DNAH6: variants seen among roughly 807,000 people sequenced by gnomAD.
The protein encoded by DNAH6 is dynein axonemal heavy chain 6.
In DNAH6, 340 loss-of-function variants were observed where a neutral mutation model predicts 491.4. The ratio of observed to expected loss-of-function variants is 0.69; its 90% confidence interval spans 0.63 to 0.76. The LOEUF (loss-of-function observed/expected upper bound fraction) is 0.76. Among genes scored for constraint, DNAH6 ranks in the 30% least tolerant of loss-of-function variants. The pLI is 0.00. For synonymous variants in DNAH6, 1,603 were observed against 1,686.1 expected (o/e 0.95, Z 1.21); for missense variants, 4,443 against 4,972.2 (o/e 0.89, Z 3.20).
At chr2:84,659,372 G>C (rs976732300) in intron 37 of DNAH6, among the ~76,000 whole-genome samples, 6 of 152,004 alleles carry the variant, frequency 3.9e-5, no homozygotes, top group Non-Finnish European at 7.4e-5. Context: ...TATTAAAAAA[G>C]TAAGATGTAT....
In DNAH6 at chr2:84,544,332, T is replaced by C; in HGVS notation, c.762T>C (p.Ile254=). 6.5e-7 allele frequency: 1 copy of C among 1,542,694 alleles called. No homozygotes were observed. The highest frequency in any genetic ancestry group is 8.8e-7 in the Non-Finnish European group (1 of 1,139,080). ...ATGAAGACATTGAATTTATCGAAAT[T>C]GATCGATGGGAACAGGAATATCTGT... ...IYNEDIEFIE[I]DRWEQEYLYH... The change falls in exon 5 of 77, where the codon ATT becomes ATC. Residue 254 remains isoleucine, a synonymous_variant. Coordinates refer to ENST00000389394, the MANE Select transcript of DNAH6 (RefSeq NM_001370.2).
intron 18 of DNAH6, among the ~76,000 whole-genome samples, chr2:84,604,097 G>A (rs1326096631): frequency 6.6e-6 from 1 of 152,162 alleles, no homozygotes; most frequent in Non-Finnish European, 1.5e-5. Flanking sequence ...GTTTCTCCTT[G>A]TGGAGAAACC....
chr2:84,752,610 C>G (rs1305931365), intron 63 of DNAH6, among the ~76,000 whole-genome samples: 2 of 151,782 alleles, frequency 1.3e-5, no homozygotes, highest in Non-Finnish European at 2.9e-5. Context: ...AGCCGTCATC[C>G]CCCAGTGCCA....
At chr2:84,519,730 T>A (rs1168966489) in intron 2 of DNAH6, among the ~76,000 whole-genome samples, 1 of 151,658 alleles carries the variant, frequency 6.6e-6, no homozygotes, top group East Asian at 1.9e-4. Context: ...TTCTTTTACA[T>A]TTTTTCCTTA....
At position 84,745,268 on chromosome 2, in the gene DNAH6, T is replaced by G; in HGVS notation, c.10512+19T>G. ...AGAAAAGGTAGGGCATTTTTTTAAT[T>G]AAAGGACTGTGTTACAATTATTTCT... On this transcript the variant is annotated intron_variant, in intron 63 of 76. Coordinates refer to ENST00000389394, the MANE Select transcript of DNAH6 (RefSeq NM_001370.2). 2 of 1,439,700 alleles carry G rather than the reference T, an allele frequency of 1.4e-6. No homozygotes were observed. Among genetic ancestry groups the G allele is most frequent in the African/African-American group, 1.4e-5 (1 of 69,194 alleles). 89.2% of individuals were successfully genotyped at this position (1,439,700 alleles called of 1,614,324 possible).
chr2:84,523,117 G>A (rs564658776), intron 2 of DNAH6, among the ~76,000 whole-genome samples: 1 of 151,938 alleles, frequency 6.6e-6, no homozygotes, highest in Admixed American at 6.6e-5. Flanking sequence ...ATTTATTACT[G>A]ACTTGAGTTC....
At chr2:84,596,040 C>CAGG (rs1262788552) in intron 18 of DNAH6, among the ~76,000 whole-genome samples, 5 of 152,116 alleles carry the variant, frequency 3.3e-5, no homozygotes, top group African/African-American at 1.2e-4. Flanking sequence ...GGAAATAGTG[C>CAGG]AGGAATAGGT....
chr2:84,743,250 G>A (rs1672676633), intron 62 of DNAH6, among the ~76,000 whole-genome samples: 1 of 152,128 alleles, frequency 6.6e-6, no homozygotes, highest in Non-Finnish European at 1.5e-5. Flanking sequence ...AAAGCACCAT[G>A]TGTTATCCAT....
intron 41 of DNAH6, among the ~76,000 whole-genome samples, chr2:84,677,949 C>T (rs1438492929): frequency 6.6e-6 from 1 of 152,068 alleles, no homozygotes; most frequent in Non-Finnish European, 1.5e-5. Context: ...AGGTGACTGG[C>T]CTGGAGAAGC....
chr2:84,723,206 C>T (rs886763001), intron 60 of DNAH6, among the ~76,000 whole-genome samples: 12 of 151,592 alleles, frequency 7.9e-5, no homozygotes, highest in East Asian at 1.9e-4. Context: ...CCAGCCTGGG[C>T]GACAGAGCGA....
intron 11 of DNAH6, among the ~76,000 whole-genome samples, chr2:84,568,367 T>C (rs4470356): frequency 0.96 from 146,756 of 152,162 alleles, 70,819 homozygotes; most frequent in East Asian, 1. Flanking sequence ...GATATATATA[T>C]ACCGTGGAAT....
intron 4 of DNAH6, among the ~76,000 whole-genome samples, chr2:84,541,153 A>G (rs554964451): frequency 3.3e-5 from 5 of 152,192 alleles, no homozygotes; most frequent in Non-Finnish European, 5.9e-5. Flanking sequence ...CCGAGGGAGC[A>G]GTCATCATCA....
At chr2:84,696,691 C>T (rs1423289432) in intron 46 of DNAH6, among the ~76,000 whole-genome samples, 1 of 151,962 alleles carries the variant, frequency 6.6e-6, no homozygotes, top group African/African-American at 2.4e-5. Flanking sequence ...TAACAGATAT[C>T]TTGTCATAGT....
chr2:84,564,621 A>G (rs1680994910), intron 11 of DNAH6, among the ~76,000 whole-genome samples: 2 of 152,288 alleles, frequency 1.3e-5, no homozygotes, highest in South Asian at 4.1e-4. Flanking sequence ...GTATAGAATT[A>G]TATCATCAGC....
chr2:84,801,093 T>C (rs1573852053), intron 70 of DNAH6, among the ~76,000 whole-genome samples: 1 of 62,628 alleles, frequency 1.6e-5, no homozygotes, highest in South Asian at 6.0e-4. Flanking sequence ...CTGGGGACTG[T>C]GGTGGGGTGG....
chr2:84,703,165 G>T (rs965131007), intron 49 of DNAH6, among the ~76,000 whole-genome samples: 1 of 152,228 alleles, frequency 6.6e-6, no homozygotes, highest in South Asian at 2.1e-4. Context: ...TCCCACTGCT[G>T]TGGCCAGAGG....
chr2:84,491,943 A>T, the DNAH6 span, among the ~76,000 whole-genome samples: 1 of 152,112 alleles, frequency 6.6e-6, no homozygotes, highest in African/African-American at 2.4e-5. Context: ...CTGCCCACAC[A>T]TTCAGGTCTT....
chr2:84,814,281 C>G (rs1680282624), intron 75 of DNAH6, among the ~76,000 whole-genome samples, 159 bp downstream of exon 75: 1 of 152,200 alleles, frequency 6.6e-6, no homozygotes, highest in Non-Finnish European at 1.5e-5. Flanking sequence ...CCCCAATTAG[C>G]AATGACCAGA....
chr2:84,532,275 TTAATAG>T (rs1413250401), intron 4 of DNAH6, among the ~76,000 whole-genome samples: 2 of 152,178 alleles, frequency 1.3e-5, no homozygotes, highest in East Asian at 3.9e-4. Context: ...GAAGTGACGC[TTAATAG>T]TAATATGTAA....
Sources: allele counts gnomAD v4.1 joint callset (sites outside exome capture counted in the v4.1 genomes callset), GRCh38; gene constraint gnomAD v4.1.1; transcripts MANE v1.5; gene names NCBI Gene and HGNC (gene_info 2026-07-23, HGNC 2026-07-21).